Variants in MMP26 observed in about 807,000 individuals in gnomAD.
MMP26 encodes the protein matrix metallopeptidase 26, also known as matrix metalloproteinase-26.
In MMP26, 33 loss-of-function variants were observed where a neutral mutation model predicts 31.0. The ratio of observed to expected loss-of-function variants is 1.06; its 90% confidence interval spans 0.81 to 1.42. MMP26 has a LOEUF of 1.42. MMP26 is among the 40% of genes most tolerant of loss of function. MMP26 has a pLI of 0.00. For synonymous variants in MMP26, 122 were observed against 114.9 expected, an observed-to-expected ratio of 1.06 and a Z score of -0.40; for missense variants, 347 against 316.1, an observed-to-expected ratio of 1.10 and a Z score of -0.74.
chr11:4,723,194 AG>A, intron 1 of MMP26: 1 of 1,573,062 alleles, frequency 6.4e-7, no homozygotes, highest in Non-Finnish European at 8.7e-7. Flanking sequence ...GGCGGCCTCC[AG>A]GGAAGCCCTC....
At chr11:4,837,573 A>G in intron 2 of MMP26, among the ~76,000 whole-genome samples, 1 of 151,958 alleles carries the variant, frequency 6.6e-6, no homozygotes, top group East Asian at 1.9e-4. Context: ...TATTCATGGG[A>G]GAGGAAACAA....
At chr11:4,830,412 CT>C (rs916676064) in intron 2 of MMP26, among the ~76,000 whole-genome samples, 37 of 152,270 alleles carry the variant, frequency 2.4e-4, no homozygotes, top group African/African-American at 8.4e-4. Context: ...AGTTTTATGG[CT>C]GAAAAGACTA....
Position 4,946,828 on chromosome 11 carries a change from A to G in MMP26, c.-144-41240A>G, listed in dbSNP as rs141671097. On this transcript the variant is annotated intron_variant, in intron 2 of 7. Transcript: ENST00000380390. Reference sequence around the variant, plus strand: ...AGCAGGCATTGGATGAAATTTCAGGAGCATTGAACAGGAAGATGCTTAACA... The same window carrying G: ...AGCAGGCATTGGATGAAATTTCAGGGGCATTGAACAGGAAGATGCTTAACA... 1.6e-4 allele frequency: 258 copies of G among 1,585,502 alleles called. 44 individuals carry two copies. In the African/African-American group the frequency reaches 2.4e-3, roughly 15 times the overall value.
In MMP26 at chr11:4,888,083, G is replaced by A. The variant is rs142576658; in HGVS notation, c.-144-99985G>A. ...GACTAGTTGAACCTTCTTCAAAATG[G>A]TTCTCTGAAACAGAAATAACAGTAA... On this transcript the variant is annotated intron_variant, in intron 2 of 7. Transcript: ENST00000380390. Among the ~76,000 whole-genome samples the A allele has an allele frequency of 2.3e-3, 346 of 152,178 alleles. 1 individual carries two copies. Among genetic ancestry groups the A allele is most frequent in the Middle Eastern group, 0.01 (3 of 292 alleles).
At chr11:4,718,204 G>C (rs1192021728) in intron 1 of MMP26, among the ~76,000 whole-genome samples, 2 of 152,174 alleles carry the variant, frequency 1.3e-5, no homozygotes, top group Non-Finnish European at 1.5e-5. Flanking sequence ...GCCTCTAAAA[G>C]CTAGCGTAAT....
At chr11:4,888,554 G>GA (rs1022280680) in intron 2 of MMP26, among the ~76,000 whole-genome samples, 2 of 151,972 alleles carry the variant, frequency 1.3e-5, no homozygotes, top group Non-Finnish European at 2.9e-5. Flanking sequence ...GCTGTATTTT[G>GA]AAAAACTTTT....
chr11:4,717,175 T>G (rs990326991), intron 1 of MMP26, among the ~76,000 whole-genome samples: 2 of 152,222 alleles, frequency 1.3e-5, no homozygotes, highest in Admixed American at 6.5e-5. Context: ...TACCTCTGTA[T>G]TTTAAATACA....
At chr11:4,848,114 G>T in intron 2 of MMP26, 2 of 1,023,016 alleles carry the variant, frequency 2.0e-6, no homozygotes, top group Non-Finnish European at 2.8e-6. Context: ...GGGACAGGAA[G>T]CTACATGCAC....
At chr11:4,823,247 T>G (rs1849535412) in intron 2 of MMP26, among the ~76,000 whole-genome samples, 1 of 152,204 alleles carries the variant, frequency 6.6e-6, no homozygotes, top group Admixed American at 6.6e-5. Context: ...CTTTTCATCC[T>G]TTGTGTGTGC....
chr11:4,769,777 G>A (rs1341380796), intron 2 of MMP26: 3 of 1,613,620 alleles, frequency 1.9e-6, no homozygotes, highest in Non-Finnish European at 2.5e-6. Context: ...TGACAAACAG[G>A]ATCACGCTGT....
At chr11:4,722,638 G>A in intron 1 of MMP26, 1 of 639,914 alleles carries the variant, frequency 1.6e-6, no homozygotes, top group Non-Finnish European at 2.8e-6. Context: ...GCCTCAGGTG[G>A]GTCCCCTGTT....
intron 2 of MMP26, among the ~76,000 whole-genome samples, chr11:4,931,081 A>AAG (rs1193931867): frequency 6.6e-6 from 1 of 151,698 alleles, no homozygotes; most frequent in African/African-American, 2.4e-5. Context: ...GCAAGAGAGG[A>AAG]AGAGAGAGAG....
intron 2 of MMP26, among the ~76,000 whole-genome samples, chr11:4,828,490 T>C (rs771805598): frequency 2.0e-5 from 3 of 152,186 alleles, no homozygotes; most frequent in African/African-American, 2.4e-5. Flanking sequence ...GCAATAGATA[T>C]GCTGTTTGTG....
At chr11:4,710,433 A>G (rs1302186384) in intron 1 of MMP26, 1 of 456,830 alleles carries the variant, frequency 2.2e-6, no homozygotes, top group Admixed American at 2.3e-5. Flanking sequence ...CCCTCCTGTA[A>G]TGAATCCCAT....
At chr11:4,772,189 T>A (rs1848733939) in intron 2 of MMP26, among the ~76,000 whole-genome samples, 1 of 152,186 alleles carries the variant, frequency 6.6e-6, no homozygotes, top group African/African-American at 2.4e-5. Context: ...CCAGAGGGTT[T>A]TAGTTACTAA....
chr11:4,880,331 A>G (rs867233917), intron 2 of MMP26, among the ~76,000 whole-genome samples: 12 of 152,012 alleles, frequency 7.9e-5, no homozygotes, highest in African/African-American at 2.7e-4. Context: ...GAAGTGGGGC[A>G]GGGGGAGTTT....
chr11:4,843,580 A>C (rs1849825797), intron 2 of MMP26, among the ~76,000 whole-genome samples: 1 of 152,206 alleles, frequency 6.6e-6, no homozygotes, highest in Non-Finnish European at 1.5e-5. Context: ...GCATAGATCA[A>C]TGGGGCCCTG....
At chr11:4,954,337 A>T (rs192901546) in intron 2 of MMP26, among the ~76,000 whole-genome samples, 1 of 125,008 alleles carries the variant, frequency 8.0e-6, no homozygotes, top group African/African-American at 2.7e-5. Flanking sequence ...TATCAAATAT[A>T]AAAGCTGGAA....
chr11:4,898,847 G>C (rs866004840), intron 2 of MMP26, among the ~76,000 whole-genome samples: 3,935 of 148,232 alleles, frequency 0.027, 178 homozygotes, highest in African/African-American at 0.095. Flanking sequence ...GTGTGTGTGT[G>C]TGTGTGTGTG....
Sources: allele counts gnomAD v4.1 joint callset (sites outside exome capture counted in the v4.1 genomes callset), GRCh38; gene constraint gnomAD v4.1.1; transcripts MANE v1.5; gene names NCBI Gene and HGNC (gene_info 2026-07-23, HGNC 2026-07-21).